The following KIF17 variants were observed in gnomAD, a reference collection of about 807,000 sequenced individuals.
The protein encoded by KIF17 is kinesin family member 17.
A neutral mutation model predicts 96.8 loss-of-function variants in KIF17; 80 were observed. The observed-to-expected ratio is 0.83, with a 90% CI of 0.69 to 1.00. KIF17 has a LOEUF of 1.00. Among genes scored for constraint, KIF17 ranks in the 50% least tolerant of loss-of-function variants. The probability of loss-of-function intolerance (pLI) is 0.00; values close to 1 mark genes in which losing one functional copy is unlikely to be tolerated. For synonymous variants in KIF17, 567 were observed against 587.5 expected (o/e 0.97, Z 0.51); for missense variants, 1,280 against 1,372.9 (o/e 0.93, Z 1.07).
intron 6 of KIF17, among the ~76,000 whole-genome samples, chr1:20,690,777 C>G (rs2054025766): frequency 6.6e-6 from 1 of 151,860 alleles, no homozygotes; most frequent in African/African-American, 2.4e-5. Flanking sequence ...AGCTCTGCCT[C>G]CCAGGTTCAC....
At chr1:20,666,427 C>A (rs1283694582) in intron 13 of KIF17, 96 bp from the exon 14 acceptor site, 1 of 969,052 alleles carries the variant, frequency 1.0e-6, no homozygotes, top group East Asian at 2.4e-5. Flanking sequence ...TGGGGGCCGC[C>A]CCGAGCTTCC....
chr1:20,682,191 A>G lies in KIF17; in HGVS notation c.2463+462T>C, dbSNP rs1156976423. On this transcript the variant is annotated intron_variant, in intron 11 of 14. Coordinates refer to ENST00000400463, the MANE Select transcript of KIF17 (RefSeq NM_001122819.3). ...GTGCACACACATACAACATACCCGC[A>G]TGCGTGCACACACACAACACACACA... Among the ~76,000 whole-genome samples the G allele has an allele frequency of 2.0e-5, 3 of 152,022 alleles. No homozygotes were observed. In the South Asian group the frequency reaches 6.2e-4, roughly 32 times the overall value.
chr1:20,688,584 C>T (rs79787491), intron 7 of KIF17, among the ~76,000 whole-genome samples: 3,968 of 152,322 alleles, frequency 0.026, 76 homozygotes, highest in Non-Finnish European at 0.036. Context: ...GACCACTCTT[C>T]GCACACTGGC....
rs191829573 is a variant in KIF17, at chr1:20,669,197, G to A, written c.2790+1224C>T. 2.4e-3 allele frequency among the ~76,000 whole-genome samples: 373 copies of A among 152,248 alleles called. 2 individuals are homozygous for A. Among genetic ancestry groups the A allele is most frequent in the African/African-American group, 8.5e-3 (355 of 41,562 alleles). ...GTCTGGGCCTCTGGTGGCTGCTGGG[G>A]ACAGTAGCTCCCAGCTAACTTAAAA... is the stretch of plus-strand genomic sequence containing the variant. On this transcript the variant is annotated intron_variant, in intron 13 of 14. Transcript: ENST00000400463.
rs151072871 is a variant in KIF17 at position 20,706,196 on chromosome 1, G to C, written c.671-1297C>G. Among the ~76,000 whole-genome samples the C allele has an allele frequency of 5.0e-3, 751 of 151,680 alleles. 9 individuals carry two copies. The highest frequency in any genetic ancestry group is 0.021 in the South Asian group (101 of 4,758). On this transcript the variant is annotated intron_variant, in intron 4 of 14. Transcript: ENST00000400463. ...GCTGGGATTACAGGCATGAGCCACT[G>C]TGCCCAGACTTGTTGATTTTTCTTT...
At position 20,690,350 on chromosome 1, in the gene KIF17, G is replaced by C; in HGVS notation, c.1234-15C>G. 7 of 620,192 alleles carry C rather than the reference G, an allele frequency of 1.1e-5. No homozygotes were observed. Among genetic ancestry groups the C allele is most frequent in the Non-Finnish European group, 2.0e-5 (7 of 342,298 alleles). The allele number at this position is 620,192 out of a possible 1,614,324, so 38.4% of individuals were successfully genotyped here. A position where few individuals can be genotyped will look rare whatever the true frequency, so the allele number is the denominator to read the frequency against. ...TCTTCATACTCCTGGGGGGGTGGGA[G>C]GGACCAGAGGGCAGGCAGCATTTTA... On this transcript the variant is annotated splice_polypyrimidine_tract_variant and intron_variant, in intron 6 of 14. Coordinates refer to ENST00000400463, the MANE Select transcript of KIF17 (RefSeq NM_001122819.3).
chr1:20,669,864 C>CAAAAAAAAAAAAAAAAAAAA (rs61673996), intron 13 of KIF17, among the ~76,000 whole-genome samples: 1 of 18,438 alleles, frequency 5.4e-5, no homozygotes, highest in African/African-American at 1.9e-4. Flanking sequence ...GACTCCATCT[C>CAAAAAAAAAAAAAAAAAAAA]AAAAAAAAAA....
intron 13 of KIF17, among the ~76,000 whole-genome samples, chr1:20,666,900 T>C (rs1295020979): frequency 1.3e-5 from 2 of 152,168 alleles, no homozygotes; most frequent in African/African-American, 2.4e-5. Context: ...TGCCCTATAC[T>C]ACATCTGACT....
At position 20,717,522 on chromosome 1, in the gene KIF17, T is replaced by C. The variant is rs780967251; in HGVS notation, c.185A>G (p.His62Arg). ...CTCGTTGTAGATCTGCTCGGTGACGTGGTCCACGTGGTAGGCGCCGTCGAA... is the reference window on the plus strand; with the variant it reads ...CTCGTTGTAGATCTGCTCGGTGACGCGGTCCACGTGGTAGGCGCCGTCGAA... Reference protein sequence around the residue: ...FTFDGAYHVDHVTEQIYNEIA... With the variant: ...FTFDGAYHVDRVTEQIYNEIA... Residue 62 changes from histidine (H) to arginine (R), a missense_variant, in exon 1 of 15, where the codon CAC (histidine) becomes CGC (arginine). Coordinates refer to ENST00000400463, the MANE Select transcript of KIF17 (RefSeq NM_001122819.3). 2.5e-6 allele frequency: 4 copies of C among 1,611,548 alleles called. No homozygotes were observed. The African/African-American group carries it at 4.0e-5, about 16-fold the overall frequency.
intron 14 of KIF17, among the ~76,000 whole-genome samples, chr1:20,665,219 CTTTTTTTTTT>C (rs59635021): frequency 1.6e-5 from 1 of 61,258 alleles, no homozygotes; most frequent in South Asian, 7.9e-4. Flanking sequence ...CAAATTTGCT[CTTTTTTTTTT>C]TTTTTTTTTT....
At chr1:20,678,237 C>T (rs984224849) in intron 11 of KIF17, among the ~76,000 whole-genome samples, 2 of 152,074 alleles carry the variant, frequency 1.3e-5, no homozygotes, top group Non-Finnish European at 2.9e-5. Flanking sequence ...TTATTCACTA[C>T]CACAAGAACA....
At chr1:20,671,009 A>C (rs1166908417) in intron 12 of KIF17, among the ~76,000 whole-genome samples, 1 of 152,104 alleles carries the variant, frequency 6.6e-6, no homozygotes, top group Non-Finnish European at 1.5e-5. Flanking sequence ...CTTCTTTGTA[A>C]AGAAGCCCAG....
chr1:20,682,910 CAA>C, intron 10 of KIF17, 26 bp from the exon 11 acceptor site: 2 of 1,594,318 alleles, frequency 1.3e-6, no homozygotes, highest in Non-Finnish European at 1.7e-6. Flanking sequence ...AGAAAGCAAA[CAA>C]GACAATATCT....
rs2053485370 is a variant in KIF17 at position 20,664,318 on chromosome 1, G to T, written c.*266C>A. ...GGGCATGGGTGTGGGCTCTGTGGCA[G>T]GTGAGCAGACGGAAACACTGATGTG... On this transcript the variant is annotated 3_prime_UTR_variant, in exon 15 of 15. Coordinates refer to ENST00000400463, the MANE Select transcript of KIF17 (RefSeq NM_001122819.3). 2 of 1,380,692 alleles carry T rather than the reference G, an allele frequency of 1.4e-6. No individual in the cohort carries two copies. Among genetic ancestry groups the T allele is most frequent in the Admixed American group, 6.0e-5 (2 of 33,254 alleles). 85.5% of individuals were successfully genotyped at this position (1,380,692 alleles called of 1,614,324 possible).
rs765924737 is a variant in KIF17 at position 20,717,575 on chromosome 1, G to C, written c.132C>G (p.Ala44=). ...RAQCCIQNPG[A]ADEPPKQFTF... is the part of the protein sequence containing the mutation. ...TGAACTGCTTGGGCGGCTCGTCGGCGGCGCCCGGGTTCTGGATGCAGCACT... is the reference window on the plus strand; with the variant it reads ...TGAACTGCTTGGGCGGCTCGTCGGCCGCGCCCGGGTTCTGGATGCAGCACT... Residue 44 remains alanine (A), a synonymous_variant, in exon 1 of 15, where the codon GCC becomes GCG. Transcript: ENST00000400463. 6.2e-7 allele frequency: 1 copy of C among 1,611,668 alleles called. No homozygotes were observed. Among genetic ancestry groups the C allele is most frequent in the Admixed American group, 1.7e-5 (1 of 59,984 alleles).
chr1:20,692,083 T>C (rs1420226066), intron 6 of KIF17, among the ~76,000 whole-genome samples: 1 of 152,176 alleles, frequency 6.6e-6, no homozygotes, highest in Non-Finnish European at 1.5e-5. Context: ...GTATCCCATG[T>C]TCATGGATGA....
At chr1:20,714,198 G>T (rs972440245) in intron 2 of KIF17, among the ~76,000 whole-genome samples, 6 of 152,140 alleles carry the variant, frequency 3.9e-5, no homozygotes, top group Admixed American at 3.9e-4. Flanking sequence ...ATGGTGGTGG[G>T]TGCCTGTAGT....
rs749520746 is a variant in KIF17 at position 20,671,962 on chromosome 1, T to C, written c.2698A>G (p.Ile900Val). Reference protein sequence around the residue: ...NGFWKIPHPVITKTSLPVVST... With the variant: ...NGFWKIPHPVVTKTSLPVVST... ...CCTACTGGGAGGCTGGTTTTTGTGATGACGGGATGTGGGATCTTCCAGAAG... is the reference window on the plus strand; with the variant it reads ...CCTACTGGGAGGCTGGTTTTTGTGACGACGGGATGTGGGATCTTCCAGAAG... Residue 900 changes from isoleucine to valine, a missense_variant, in exon 12 of 15, where the codon ATC (isoleucine) becomes GTC (valine). Physicochemically the swap from Ile to Val is conservative, Grantham distance 29. Coordinates refer to ENST00000400463, the MANE Select transcript of KIF17 (RefSeq NM_001122819.3). The C allele has an allele frequency of 1.8e-5, 29 of 1,613,802 alleles. No homozygotes were observed. The highest frequency in any genetic ancestry group is 3.3e-5 in the South Asian group (3 of 91,082).
chr1:20,691,963 G>A lies in KIF17; in HGVS notation c.1234-1628C>T, dbSNP rs140568468. On this transcript the variant is annotated intron_variant, in intron 6 of 14. Coordinates refer to ENST00000400463, the MANE Select transcript of KIF17 (RefSeq NM_001122819.3). ...ATCTTTGCTATCACTGCCAGCTCTC[G>A]TCCAAACAGCCACCTGGTTCTCACC... 3.3e-3 allele frequency among the ~76,000 whole-genome samples: 507 copies of A among 152,116 alleles called. 4 individuals are homozygous for A. The highest frequency in any genetic ancestry group is 0.011 in the African/African-American group (470 of 41,488).
Sources: allele counts gnomAD v4.1 joint callset (sites outside exome capture counted in the v4.1 genomes callset), GRCh38; gene constraint gnomAD v4.1.1; transcripts MANE v1.5; gene names NCBI Gene and HGNC (gene_info 2026-07-23, HGNC 2026-07-21).